The following EPN3 variants were observed in gnomAD, a reference collection of about 807,000 sequenced individuals.
The protein encoded by EPN3 is epsin-3.
A neutral mutation model predicts 55.5 loss-of-function variants in EPN3; 56 were observed. The ratio of observed to expected loss-of-function variants is 1.01; its 90% CI spans 0.81 to 1.26. EPN3 has a LOEUF of 1.26. EPN3 is among the 50% of genes most tolerant of loss of function. The pLI is 0.00. For synonymous variants in EPN3, 449 were observed against 375.2 expected (o/e 1.20, Z -2.27); for missense variants, 927 against 853.4 (o/e 1.09, Z -1.07).
chr17:50,536,295 C>T (rs760947518), intron 1 of EPN3, 126 bp from the exon 2 acceptor site: 9 of 646,758 alleles, frequency 1.4e-5, no homozygotes, highest in South Asian at 7.1e-5. Flanking sequence ...GAAATAAGAA[C>T]GTGTGCCGCT....
Position 50,532,878 on chromosome 17 carries a change from G to C in EPN3, c.-244G>C. The C allele has an allele frequency of 7.8e-7, 1 of 1,286,402 alleles. No homozygotes were observed. The highest frequency in any genetic ancestry group is 1.0e-6 in the Non-Finnish European group (1 of 987,522). 79.7% of individuals were successfully genotyped at this position (1,286,402 alleles called of 1,614,324 possible). ...CTGGGACGAGGGTCCATGGTGGATGGCTCTGGAGACGCTCCCGAGGCTGTG... is the reference window on the plus strand; with the variant it reads ...CTGGGACGAGGGTCCATGGTGGATGCCTCTGGAGACGCTCCCGAGGCTGTG... On this transcript the variant is annotated 5_prime_UTR_variant, in exon 1 of 10. Coordinates refer to ENST00000268933, the MANE Select transcript of EPN3 (RefSeq NM_017957.3).
At position 50,538,484 on chromosome 17, in the gene EPN3, C is replaced by T. The variant is rs2034796698; in HGVS notation, c.681+287C>T. On this transcript the variant is annotated intron_variant, in intron 3 of 9. Transcript: ENST00000268933. ...TCATGGTGGAGTGGGTGAGTGTGCT[C>T]AGACATATTCCTAGGAGACACTGGG... 12 of 489,750 alleles carry T rather than the reference C, an allele frequency of 2.5e-5. No individual in the cohort carries two copies. The East Asian group carries it at 3.3e-4, about 14-fold the overall frequency. The allele number at this position is 489,750 out of a possible 1,614,324, so 30.3% of individuals were successfully genotyped here.
chr17:50,536,300 G>A, intron 1 of EPN3, 121 bp from the exon 2 acceptor site: 1 of 695,466 alleles, frequency 1.4e-6, no homozygotes, highest in Non-Finnish European at 2.2e-6. Flanking sequence ...AAGAACGTGT[G>A]CCGCTGAAGG....
At chr17:50,533,072 GTC>G in intron 1 of EPN3, 87 bp downstream of exon 1, 2 of 858,086 alleles carry the variant, frequency 2.3e-6, no homozygotes, top group Non-Finnish European at 3.2e-6. Flanking sequence ...CTGGGGCTTA[GTC>G]TCTTTTCCAG....
In EPN3 at chr17:50,533,935, C is replaced by T. The variant is rs143121397; in HGVS notation, c.-137+950C>T. 8.8e-3 allele frequency among the ~76,000 whole-genome samples: 1,343 copies of T among 152,316 alleles called. 26 individuals are homozygous for T. Among genetic ancestry groups the T allele is most frequent in the African/African-American group, 0.031 (1,288 of 41,586 alleles). ...CCCAGGGCTGCTGCTGCTACCGCCA[C>T]CGCCTTATCGGCCGCTGGGTTTCTG... On this transcript the variant is annotated intron_variant, in intron 1 of 9. Transcript: ENST00000268933.
intron 1 of EPN3, among the ~76,000 whole-genome samples, chr17:50,533,344 G>A (rs941104873): frequency 2.0e-5 from 3 of 152,024 alleles, no homozygotes; most frequent in African/African-American, 4.8e-5. Context: ...CTGTGCTCCC[G>A]GGATGCAGCT....
rs748150140 is a variant in EPN3 at position 50,538,088 on chromosome 17, C to T, written c.572C>T (p.Ser191Leu). The T allele has an allele frequency of 2.3e-5, 37 of 1,613,694 alleles. No individual in the cohort carries two copies. The highest frequency in any genetic ancestry group is 2.9e-5 in the Non-Finnish European group (34 of 1,179,720). ...GSPSSYNSSS[S>L]SPRYTSDLEQ... The stretch of plus-strand genomic sequence containing the variant: ...ATGATGGTCATTGCAGCCTCCTCTT[C>T]GTCACCCCGCTATACCTCCGACCTG... The change falls in exon 3 of 10, where the codon TCG becomes TTG. Residue 191 changes from serine (S) to leucine (L), a missense_variant. Physicochemically the swap from Ser to Leu is moderately radical, Grantham distance 145. Transcript: ENST00000268933.
intron 1 of EPN3, chr17:50,536,219 TG>T (rs1445538299): frequency 2.5e-5 from 8 of 324,866 alleles, no homozygotes; most frequent in Non-Finnish European, 4.6e-5. Context: ...ATAGCATCTT[TG>T]GGGTGTGGCT....
At chr17:50,539,433 G>C in intron 5 of EPN3, 118 bp downstream of exon 5, 1 of 1,449,306 alleles carries the variant, frequency 6.9e-7, no homozygotes, top group Non-Finnish European at 9.3e-7. Flanking sequence ...TTTATTCGAT[G>C]AAATAGGGGT....
chr17:50,541,598 G>A lies in EPN3; in HGVS notation c.1489G>A (p.Glu497Lys). 2 of 1,614,122 alleles carry A rather than the reference G, an allele frequency of 1.2e-6. No homozygotes were observed. Among genetic ancestry groups the A allele is most frequent in the South Asian group, 1.1e-5 (1 of 91,078 alleles). ...AGAGGCCCGAGCTTGCCGGACTCCC[G>A]AGTCCTTCCTGGGTCCCTCAGCTTC... is the stretch of plus-strand genomic sequence containing the variant. ...SKEARACRTP[E>K]SFLGPSASSL... Residue 497 changes from glutamate (E) to lysine (K), a missense_variant, in exon 9 of 10, where the codon GAG becomes AAG. Transcript: ENST00000268933.
At chr17:50,536,149 A>T in intron 1 of EPN3, 1 of 221,648 alleles carries the variant, frequency 4.5e-6, no homozygotes, top group Admixed American at 5.2e-5. Flanking sequence ...GAGCCACTGC[A>T]CCGGGCCCAT....
Position 50,541,954 on chromosome 17 carries a change from G to A in EPN3, c.1696G>A (p.Val566Met). 1 of 1,596,372 alleles carries A rather than the reference G, an allele frequency of 6.3e-7. No individual in the cohort carries two copies. Among genetic ancestry groups the A allele is most frequent in the Non-Finnish European group, 8.5e-7 (1 of 1,177,402 alleles). The change falls in exon 10 of 10, where the codon GTG becomes ATG. Residue 566 changes from valine (V) to methionine (M), a missense_variant. Coordinates refer to ENST00000268933, the MANE Select transcript of EPN3 (RefSeq NM_017957.3). ...SPALGLAGGPVGAPLGSMTYS... is the reference protein window; with the variant it reads ...SPALGLAGGPMGAPLGSMTYS... ...GGCGCTGGGCCTGGCAGGCGGGCCT[G>A]TGGGGGCGCCCCTGGGCTCCATGAC...
chr17:50,537,171 C>G, intron 2 of EPN3, 53 bp downstream of exon 2: 1 of 1,476,410 alleles, frequency 6.8e-7, no homozygotes, highest in Non-Finnish European at 9.0e-7. Flanking sequence ...GACTTCCATT[C>G]CTGGCTCTGC....
rs1176991035 is a variant in EPN3, at chr17:50,532,889, G to A, written c.-233G>A. On this transcript the variant is annotated 5_prime_UTR_variant, in exon 1 of 10. Coordinates refer to ENST00000268933, the MANE Select transcript of EPN3 (RefSeq NM_017957.3). ...GTCCATGGTGGATGGCTCTGGAGACGCTCCCGAGGCTGTGCCGTCCCGCTG... is the reference window on the plus strand; with the variant it reads ...GTCCATGGTGGATGGCTCTGGAGACACTCCCGAGGCTGTGCCGTCCCGCTG... The A allele has an allele frequency of 2.3e-6, 3 of 1,285,540 alleles. No individual in the cohort carries two copies. Among genetic ancestry groups the A allele is most frequent in the Middle Eastern group, 2.2e-4 (1 of 4,462 alleles). The allele number at this position is 1,285,540 out of a possible 1,614,324, so 79.6% of individuals were successfully genotyped here. A position where few individuals can be genotyped will look rare whatever the true frequency, so the allele number is the denominator to read the frequency against.
Position 50,541,814 on chromosome 17 carries a change from G to A in EPN3, c.1586-30G>A, listed in dbSNP as rs113914602. ...CTCCCGGTGTAGGGCTCTGAACCCC[G>A]GGTCACTCAAAGCCACTCTCGTTCT... On this transcript the variant is annotated intron_variant, in intron 9 of 9. Transcript: ENST00000268933. The A allele has an allele frequency of 8.0e-3, 12,912 of 1,610,446 alleles. 730 individuals carry two copies. In the African/African-American group the frequency reaches 0.14, roughly 17 times the overall value.
chr17:50,542,033 T>C lies in EPN3; in HGVS notation c.1775T>C (p.Leu592Pro). 2.5e-6 allele frequency: 4 copies of C among 1,594,614 alleles called. No homozygotes were observed. The highest frequency in any genetic ancestry group is 2.5e-6 in the Non-Finnish European group (3 of 1,177,564). ...AGCAGCGTGCCAGCTGGCTTGACCCTCCCCGCCTCGGTTAGCGTCTTCCCG... is the reference window on the plus strand; with the variant it reads ...AGCAGCGTGCCAGCTGGCTTGACCCCCCCCGCCTCGGTTAGCGTCTTCCCG... The part of the protein sequence containing the change: ...PLSSVPAGLT[L>P]PASVSVFPQA... The change falls in exon 10 of 10, where the codon CTC becomes CCC. Residue 592 changes from leucine to proline, a missense_variant. Leu to Pro is a moderately conservative substitution (Grantham distance 98, BLOSUM62 -3). Coordinates refer to ENST00000268933, the MANE Select transcript of EPN3 (RefSeq NM_017957.3).
chr17:50,540,490 G>C (rs566702387), intron 6 of EPN3, among the ~76,000 whole-genome samples, 156 bp downstream of exon 6: 2 of 152,176 alleles, frequency 1.3e-5, no homozygotes, highest in South Asian at 4.1e-4. Context: ...ACAGGCTTTC[G>C]TAGTGAGGGC....
chr17:50,537,735 C>T (rs190230852), intron 2 of EPN3, among the ~76,000 whole-genome samples: 34 of 152,314 alleles, frequency 2.2e-4, no homozygotes, highest in Admixed American at 2.1e-3. Context: ...CTAGAACCTC[C>T]TATCCTTGCA....
Position 50,536,844 on chromosome 17 carries a change from C to T in EPN3, c.288C>T (p.Cys96=), listed in dbSNP as rs140833430. Residue 96 remains cysteine, a synonymous_variant, in exon 2 of 10, where the codon TGC becomes TGT. Transcript: ENST00000268933. ...GCTCCGAGCGGGTGGCCCACCAGTG[C>T]CGCGAGAACCTCTACACCATCCAGA... ...KTGSERVAHQ[C]RENLYTIQTL... The T allele has an allele frequency of 9.3e-6, 15 of 1,614,114 alleles. No individual in the cohort carries two copies. Among genetic ancestry groups the T allele is most frequent in the Non-Finnish European group, 1.3e-5 (15 of 1,180,038 alleles).
Sources: allele counts gnomAD v4.1 joint callset (sites outside exome capture counted in the v4.1 genomes callset), GRCh38; gene constraint gnomAD v4.1.1; transcripts MANE v1.5; gene names NCBI Gene and HGNC (gene_info 2026-07-23, HGNC 2026-07-21).